The following HAUS6 variants were observed in gnomAD, a reference collection of about 807,000 sequenced individuals.
HAUS6 encodes the protein HAUS augmin like complex subunit 6.
Under a neutral mutation model 106.8 loss-of-function variants are expected in HAUS6, and 80 were observed. The ratio of observed to expected loss-of-function variants is 0.75; its 90% CI spans 0.63 to 0.90. HAUS6 has a LOEUF of 0.90. Among genes scored for constraint, HAUS6 ranks in the 40% least tolerant of loss-of-function variants. The probability of loss-of-function intolerance (pLI) is 0.00; values close to 1 mark genes in which losing one functional copy is unlikely to be tolerated. For missense variants in HAUS6, 1,155 were observed against 1,118.1 expected (o/e 1.03, Z -0.47); for synonymous variants, 356 against 379.1 (o/e 0.94, Z 0.71).
chr9:19,060,243 G>A lies in HAUS6; in HGVS notation c.1630-20C>T. 4 of 1,505,314 alleles carry A rather than the reference G, an allele frequency of 2.7e-6. No homozygotes were observed. The East Asian group carries it at 7.1e-5, about 27-fold the overall frequency. The allele number at this position is 1,505,314 out of a possible 1,614,324, so 93.2% of individuals were successfully genotyped here. A position where few individuals can be genotyped will look rare whatever the true frequency, so the allele number is the denominator to read the frequency against. ...GGCAACCTAAAACAGAAAAGAAAAA[G>A]TAAAGCAAAGATTACCAAGCCCATT... On this transcript the variant is annotated intron_variant, in intron 14 of 16. Transcript: ENST00000380502.
chr9:19,076,504 T>A (rs772112127), intron 11 of HAUS6, 98 bp downstream of exon 11: 85 of 697,534 alleles, frequency 1.2e-4, no homozygotes, highest in Non-Finnish European at 1.9e-4. Flanking sequence ...TAAAAAAAAA[T>A]GGAGGAAAAA....
chr9:19,076,685 G>C lies in HAUS6; in HGVS notation c.1211C>G (p.Pro404Arg). Residue 404 changes from proline to arginine, a missense_variant, in exon 11 of 17, where the codon CCA becomes CGA. Transcript: ENST00000380502. ...AGGATCAAACGAAAGGGGAGACATT[G>C]GTGGTAAAAGATCTACAGACTTAAA... ...GWTPSVDLLP[P>R]MSPLSFDPAS... 14 of 1,538,118 alleles carry C rather than the reference G, an allele frequency of 9.1e-6. No homozygotes were observed. The highest frequency in any genetic ancestry group is 1.3e-5 in the Non-Finnish European group (14 of 1,111,434).
rs1157786874 is a variant in HAUS6, at chr9:19,058,203, T to G, written c.2564A>C (p.Asn855Thr). 1 of 1,613,928 alleles carries G rather than the reference T, an allele frequency of 6.2e-7. No homozygotes were observed. Among genetic ancestry groups the G allele is most frequent in the Non-Finnish European group, 8.5e-7 (1 of 1,179,828 alleles). The stretch of plus-strand genomic sequence containing the variant: ...TTTGTGTCTTTCGGGTGTTTGGGAA[T>G]TCGAGAGGTAAGATTCTTCCCTTTT... ...SKKREESYLS[N>T]SQTPERHKPE... Residue 855 changes from asparagine to threonine, a missense_variant, in exon 16 of 17, where the codon AAT becomes ACT. Physicochemically the swap from Asn to Thr is moderately conservative, Grantham distance 65. Coordinates refer to ENST00000380502, the MANE Select transcript of HAUS6 (RefSeq NM_017645.5).
At chr9:19,091,973 A>AT (rs35552018) in intron 4 of HAUS6, among the ~76,000 whole-genome samples, 12,470 of 151,554 alleles carry the variant, frequency 0.082, 555 homozygotes, top group East Asian at 0.11. Flanking sequence ...AAAAATAAAC[A>AT]TTTTTTTTTA....
At chr9:19,099,017 C>CAAAAAAAAAA (rs377024544) in intron 1 of HAUS6, among the ~76,000 whole-genome samples, 1 of 90,686 alleles carries the variant, frequency 1.1e-5, no homozygotes, top group Non-Finnish European at 2.2e-5. Context: ...AACTCCATCT[C>CAAAAAAAAAA]AAAAAAAAAA....
At chr9:19,078,032 G>A (rs1434396614) in intron 10 of HAUS6, 144 bp downstream of exon 10, 2 of 629,148 alleles carry the variant, frequency 3.2e-6, no homozygotes, top group Non-Finnish European at 5.6e-6. Context: ...CCGTACTCCA[G>A]CCAGCTATGA....
At chr9:19,062,639 C>A (rs147199423) in intron 14 of HAUS6, among the ~76,000 whole-genome samples, 89 of 152,164 alleles carry the variant, frequency 5.8e-4, no homozygotes, top group African/African-American at 2.1e-3. Flanking sequence ...CTTAGGATCC[C>A]AACACCATTG....
Position 19,059,945 on chromosome 9 carries a change from G to A in HAUS6, c.1765+143C>T, listed in dbSNP as rs1027624626. On this transcript the variant is annotated intron_variant, in intron 15 of 16. Transcript: ENST00000380502. The stretch of plus-strand genomic sequence containing the variant: ...ATACTGCTAAAAGACTGTTATGTGA[G>A]AATGCCCACACTTAGTACGTCGATT... 2.8e-5 allele frequency: 16 copies of A among 567,976 alleles called. No individual in the cohort carries two copies. The South Asian group carries it at 4.4e-4, about 16-fold the overall frequency. The allele number at this position is 567,976 out of a possible 1,614,324, so 35.2% of individuals were successfully genotyped here.
rs1174402892 is a variant in HAUS6 at position 19,080,682 on chromosome 9, C to G, written c.871-10G>C. 1.9e-6 allele frequency: 3 copies of G among 1,557,470 alleles called. No homozygotes were observed. The highest frequency in any genetic ancestry group is 1.8e-6 in the Non-Finnish European group (2 of 1,140,258). On this transcript the variant is annotated splice_polypyrimidine_tract_variant and intron_variant, in intron 8 of 16. Coordinates refer to ENST00000380502, the MANE Select transcript of HAUS6 (RefSeq NM_017645.5). ...CATTTCCTATGTGCAACTAAGGAATCAGGAGGAGAAAAAAATTGGTGAACT... is the reference window on the plus strand; with the variant it reads ...CATTTCCTATGTGCAACTAAGGAATGAGGAGGAGAAAAAAATTGGTGAACT...
At chr9:19,059,680 G>A (rs4977494) in intron 15 of HAUS6, among the ~76,000 whole-genome samples, 15,472 of 152,244 alleles carry the variant, frequency 0.1, 931 homozygotes, top group Admixed American at 0.14. Context: ...TCATTTGGGA[G>A]GGGTAAAGAC....
intron 1 of HAUS6, among the ~76,000 whole-genome samples, chr9:19,100,646 T>G (rs1228399115): frequency 6.6e-6 from 1 of 152,186 alleles, no homozygotes; most frequent in Non-Finnish European, 1.5e-5. Context: ...TAGTGACACA[T>G]TATTCACAAT....
At chr9:19,063,229 T>G in intron 13 of HAUS6, 36 bp from the exon 14 acceptor site, 1 of 1,341,700 alleles carries the variant, frequency 7.5e-7, no homozygotes, top group Non-Finnish European at 1.0e-6. Flanking sequence ...AAACCCTTAA[T>G]AATCATGGCT....
At chr9:19,065,692 T>G (rs1836747796) in intron 12 of HAUS6, among the ~76,000 whole-genome samples, 1 of 151,700 alleles carries the variant, frequency 6.6e-6, no homozygotes, top group African/African-American at 2.4e-5. Flanking sequence ...AATACAAAAA[T>G]TAGCCAGGTG....
chr9:19,099,679 C>A (rs1564023696), intron 1 of HAUS6, among the ~76,000 whole-genome samples: 1 of 152,212 alleles, frequency 6.6e-6, no homozygotes. Context: ...CCAGGCTGGT[C>A]TCAAATTTCT....
chr9:19,089,813 A>T (rs1817706529), intron 4 of HAUS6: 1 of 452,202 alleles, frequency 2.2e-6, no homozygotes, highest in Non-Finnish European at 3.9e-6. Flanking sequence ...AACATATAAC[A>T]ACTAATGTTT....
At chr9:19,094,493 C>A in intron 2 of HAUS6, 98 bp from the exon 3 acceptor site, 1 of 702,114 alleles carries the variant, frequency 1.4e-6, no homozygotes, top group Non-Finnish European at 2.4e-6. Flanking sequence ...TTTCTAATAC[C>A]AGAAATATTA....
Position 19,083,010 on chromosome 9 carries a change from G to T in HAUS6, c.733C>A (p.Leu245Ile). The change falls in exon 8 of 17, where the codon CTC (leucine) becomes ATC (isoleucine). Residue 245 changes from leucine (L) to isoleucine (I), a missense_variant. Leu to Ile is a conservative substitution (Grantham distance 5). This residue lies in a region of HAUS6 where 761 missense variants were observed against 690.0 expected (regional missense o/e 1.10). Transcript: ENST00000380502. ...TCTCTCTCTTTTTCCAAAAACATGA[G>T]CGTTTCATTCACTGAAGCCCACAAA... ...RSLWASVNET[L>I]MFLEKEREVV... is the part of the protein sequence containing the mutation. 1 of 1,589,704 alleles carries T rather than the reference G, an allele frequency of 6.3e-7. No individual in the cohort carries two copies. The highest frequency in any genetic ancestry group is 2.3e-5 in the East Asian group (1 of 44,394).
intron 7 of HAUS6, among the ~76,000 whole-genome samples, chr9:19,083,629 C>T (rs1369117649): frequency 2.0e-5 from 3 of 151,650 alleles, no homozygotes; most frequent in East Asian, 1.9e-4. Flanking sequence ...GGTGAAACCC[C>T]GTCTCTAATA....
intron 5 of HAUS6, among the ~76,000 whole-genome samples, chr9:19,087,864 A>AG (rs1554690622): frequency 7.9e-4 from 118 of 148,682 alleles, no homozygotes; most frequent in African/African-American, 2.4e-3. Context: ...AAAAAAAAAA[A>AG]AAAAAAACCA....
Sources: allele counts gnomAD v4.1 joint callset (sites outside exome capture counted in the v4.1 genomes callset), GRCh38; gene constraint gnomAD v4.1.1; regional missense constraint gnomAD v4.1.1; transcripts MANE v1.5; gene names NCBI Gene and HGNC (gene_info 2026-07-23, HGNC 2026-07-21).